Variants in ASAP3 observed in about 807,000 individuals in gnomAD.
ASAP3 encodes arf-GAP with SH3 domain, ANK repeat and PH domain-containing protein 3.
Under a neutral mutation model 118.2 loss-of-function variants are expected in ASAP3, and 85 were observed. That is an observed-to-expected ratio of 0.72 (90% CI 0.60 to 0.86). The LOEUF (loss-of-function observed/expected upper bound fraction) is 0.86. Among genes scored for constraint, ASAP3 ranks in the 40% least tolerant of loss-of-function variants. The pLI is 0.00. For synonymous variants in ASAP3, 432 were observed against 477.4 expected (o/e 0.90, Z 1.24); for missense variants, 1,026 against 1,175.0 (o/e 0.87, Z 1.85).
In ASAP3 at chr1:23,436,456, C is replaced by T. The variant is rs1640657727; in HGVS notation, c.1571+104G>A. 1 of 1,329,470 alleles carries T rather than the reference C, an allele frequency of 7.5e-7. No individual in the cohort carries two copies. Among genetic ancestry groups the T allele is most frequent in the Non-Finnish European group, 1.1e-6 (1 of 943,496 alleles). 82.4% of individuals were successfully genotyped at this position (1,329,470 alleles called of 1,614,324 possible). A position where few individuals can be genotyped will look rare whatever the true frequency, so the allele number is the denominator to read the frequency against. On this transcript the variant is annotated intron_variant, in intron 16 of 24. Transcript: ENST00000336689. This position sits in a 1 kb window ranked among gnomAD's most constrained non-coding sequence, Gnocchi z 4.2. Reference sequence around the variant, plus strand: ...GGGATTACAGGCGTGAGCCACTGCGCCCAGCCTCCCCAGACTTCTGATCCA... The same window carrying T: ...GGGATTACAGGCGTGAGCCACTGCGTCCAGCCTCCCCAGACTTCTGATCCA...
Position 23,433,636 on chromosome 1 carries a change from C to T in ASAP3, c.2009G>A (p.Cys670Tyr), listed in dbSNP as rs767480290. Reference sequence around the variant, plus strand: ...TCCCCGAGTCCTCACCAGCTCCTCACACTCCTTGTGGTGCTTCTTCCTGGC... The same window carrying T: ...TCCCCGAGTCCTCACCAGCTCCTCATACTCCTTGTGGTGCTTCTTCCTGGC... ...DIARKKHHKE[C>Y]EELLEQAQAG... The change falls in exon 20 of 25, where the codon TGT (cysteine) becomes TAT (tyrosine). Residue 670 changes from cysteine to tyrosine, a missense_variant. Cys to Tyr is a radical substitution (Grantham distance 194, BLOSUM62 -2). Transcript: ENST00000336689. 1.9e-6 allele frequency: 3 copies of T among 1,614,250 alleles called. No homozygotes were observed. The highest frequency in any genetic ancestry group is 2.5e-6 in the Non-Finnish European group (3 of 1,180,050).
chr1:23,430,871 C>G (rs901955607), intron 24 of ASAP3, among the ~76,000 whole-genome samples, 164 bp downstream of exon 24: 1 of 151,782 alleles, frequency 6.6e-6, no homozygotes, highest in African/African-American at 2.4e-5. Flanking sequence ...CCAAACCGTG[C>G]CCACCTGGGC....
chr1:23,447,506 C>T (rs1641087305), intron 5 of ASAP3, among the ~76,000 whole-genome samples: 1 of 152,186 alleles, frequency 6.6e-6, no homozygotes, highest in Non-Finnish European at 1.5e-5. Flanking sequence ...TTCAAGCATC[C>T]ACTGGGGGTC....
chr1:23,436,616 G>A lies in ASAP3; in HGVS notation c.1515C>T (p.Val505=). 2 of 1,614,244 alleles carry A rather than the reference G, an allele frequency of 1.2e-6. No homozygotes were observed. Among genetic ancestry groups the A allele is most frequent in the East Asian group, 4.5e-5 (2 of 44,886 alleles). ...CGTGTGAGGGTAGCTGGGCCTCCATGACCTCATTGAAGCTCGTGTTTCCCA... is the reference window on the plus strand; with the variant it reads ...CGTGTGAGGGTAGCTGGGCCTCCATAACCTCATTGAAGCTCGTGTTTCCCA... ...LNMGNTSFNE[V]MEAQLPSHGG... The change falls in exon 16 of 25, where the codon GTC becomes GTT. Residue 505 remains valine (V), a synonymous_variant. Transcript: ENST00000336689. This position sits in a 1 kb window ranked among gnomAD's most constrained non-coding sequence, Gnocchi z 4.2.
Position 23,440,440 on chromosome 1 carries a change from G to A in ASAP3, c.944+662C>T, listed in dbSNP as rs373119595. ...CGCTTGAACCCAGGAGGCGGAGGTT[G>A]CAGTGAGCTGAGATCACGTCACTGC... On this transcript the variant is annotated intron_variant, in intron 10 of 24. Transcript: ENST00000336689. 4.1e-4 allele frequency among the ~76,000 whole-genome samples: 52 copies of A among 126,066 alleles called. No individual in the cohort carries two copies. In the East Asian group the frequency reaches 7.3e-3, roughly 18 times the overall value. The allele number at this position is 126,066 out of a possible 152,430, so 82.7% of individuals were successfully genotyped here.
Position 23,438,914 on chromosome 1 carries a change from T to G in ASAP3, c.1015-80A>C. 2 of 1,374,070 alleles carry G rather than the reference T, an allele frequency of 1.5e-6. No homozygotes were observed. The highest frequency in any genetic ancestry group is 2.1e-6 in the Non-Finnish European group (2 of 968,142). 85.1% of individuals were successfully genotyped at this position (1,374,070 alleles called of 1,614,324 possible). A position where few individuals can be genotyped will look rare whatever the true frequency, so the allele number is the denominator to read the frequency against. On this transcript the variant is annotated intron_variant, in intron 11 of 24. Coordinates refer to ENST00000336689, the MANE Select transcript of ASAP3 (RefSeq NM_017707.4). This position sits in a 1 kb window ranked among gnomAD's most constrained non-coding sequence, Gnocchi z 4.9. ...TTTAGGCCTCCATTTCCCACTCTGTTAAATGGGCATAATCATCCTGTTCCA... is the reference window on the plus strand; with the variant it reads ...TTTAGGCCTCCATTTCCCACTCTGTGAAATGGGCATAATCATCCTGTTCCA...
chr1:23,432,131 A>G (rs937777921), intron 22 of ASAP3, among the ~76,000 whole-genome samples: 1 of 150,358 alleles, frequency 6.7e-6, no homozygotes. Context: ...CTCAGCCTCC[A>G]GAGTAGCTGG....
At chr1:23,439,963 C>A (rs1187320331) in intron 10 of ASAP3, among the ~76,000 whole-genome samples, 1 of 151,846 alleles carries the variant, frequency 6.6e-6, no homozygotes, top group Non-Finnish European at 1.5e-5. Context: ...TACAGGCTCA[C>A]GCCACCATAC....
chr1:23,470,941 G>A (rs1244947557), intron 1 of ASAP3, among the ~76,000 whole-genome samples: 1 of 152,140 alleles, frequency 6.6e-6, no homozygotes, highest in Non-Finnish European at 1.5e-5. Flanking sequence ...GAACTTTGCT[G>A]GACTAACCGC....
intron 1 of ASAP3, among the ~76,000 whole-genome samples, chr1:23,482,120 T>C (rs1642324842): frequency 6.6e-6 from 1 of 152,188 alleles, no homozygotes; most frequent in Non-Finnish European, 1.5e-5. Context: ...CTAGGCTCCG[T>C]GAGACAAATG....
rs1285377497 is a variant in ASAP3, at chr1:23,456,123, A to G, written c.201T>C (p.Leu67=). 1 of 1,614,080 alleles carries G rather than the reference A, an allele frequency of 6.2e-7. No homozygotes were observed. Among genetic ancestry groups the G allele is most frequent in the Non-Finnish European group, 8.5e-7 (1 of 1,180,000 alleles). ...KAVRAIHSSG[L]GHVENEEQYR... ...GGGGCACCCAGGAGGCTCACTTACC[A>G]AGGCCGGAGCTATGGATTGCCCGCA... is the stretch of plus-strand genomic sequence containing the variant. Residue 67 remains leucine, a splice_region_variant and synonymous_variant, in exon 2 of 25, where the codon CTT becomes CTC. Coordinates refer to ENST00000336689, the MANE Select transcript of ASAP3 (RefSeq NM_017707.4).
intron 1 of ASAP3, among the ~76,000 whole-genome samples, chr1:23,470,072 T>G (rs543872234): frequency 6.6e-6 from 1 of 152,192 alleles, no homozygotes; most frequent in Non-Finnish European, 1.5e-5. Flanking sequence ...AGCCCTGAAC[T>G]GGAAAGTGCT....
chr1:23,444,600 G>A (rs926687481), intron 5 of ASAP3, among the ~76,000 whole-genome samples: 1 of 152,230 alleles, frequency 6.6e-6, no homozygotes, highest in African/African-American at 2.4e-5. Context: ...TCAGCACATA[G>A]AAGACACATG....
chr1:23,444,679 C>T (rs571718322), intron 5 of ASAP3, among the ~76,000 whole-genome samples: 24 of 152,324 alleles, frequency 1.6e-4, no homozygotes, highest in Non-Finnish European at 2.1e-4. Context: ...CAATGGTCTA[C>T]GGTAAGTTCT....
At chr1:23,440,734 G>A (rs1309792935) in intron 10 of ASAP3, among the ~76,000 whole-genome samples, 1 of 150,912 alleles carries the variant, frequency 6.6e-6, no homozygotes, top group African/African-American at 2.4e-5. Context: ...GCGAGTGCCT[G>A]TAGTCCCAGC....
rs141351007 is a variant in ASAP3, at chr1:23,455,409, G to A, written c.348+472C>T. ...CTGGGCCATGTACAGGGGCTGAGAC[G>A]CTTGTGGAGGCAGGGACAGGTCCTG... On this transcript the variant is annotated intron_variant, in intron 3 of 24. Coordinates refer to ENST00000336689, the MANE Select transcript of ASAP3 (RefSeq NM_017707.4). Among the ~76,000 whole-genome samples, 1,078 of 152,296 alleles carry A rather than the reference G, an allele frequency of 7.1e-3. 20 individuals are homozygous for A. Among genetic ancestry groups the A allele is most frequent in the Middle Eastern group, 0.024 (7 of 294 alleles).
chr1:23,438,922 C>T lies in ASAP3; in HGVS notation c.1015-88G>A. On this transcript the variant is annotated intron_variant, in intron 11 of 24. Transcript: ENST00000336689. This position sits in a 1 kb window ranked among gnomAD's most constrained non-coding sequence, Gnocchi z 4.9. ...TCCATTTCCCACTCTGTTAAATGGG[C>T]ATAATCATCCTGTTCCATTTGTGTT... 7.5e-7 allele frequency: 1 copy of T among 1,331,720 alleles called. No homozygotes were observed. 82.5% of individuals were successfully genotyped at this position (1,331,720 alleles called of 1,614,324 possible).
chr1:23,470,399 A>G (rs980152974), intron 1 of ASAP3, among the ~76,000 whole-genome samples: 2 of 152,036 alleles, frequency 1.3e-5, no homozygotes, highest in African/African-American at 2.4e-5. Flanking sequence ...CTTCCCAGCT[A>G]CCCCTCTGCC....
At chr1:23,467,176 T>TATTATC (rs1641800980) in intron 1 of ASAP3, among the ~76,000 whole-genome samples, 1 of 149,754 alleles carries the variant, frequency 6.7e-6, no homozygotes, top group Admixed American at 6.6e-5. Flanking sequence ...TTACAGCCAT[T>TATTATC]ATTATTATTA....
Sources: allele counts gnomAD v4.1 joint callset (sites outside exome capture counted in the v4.1 genomes callset), GRCh38; gene constraint gnomAD v4.1.1; non-coding constraint Gnocchi (gnomAD v3.1); transcripts MANE v1.5; gene names NCBI Gene and HGNC (gene_info 2026-07-23, HGNC 2026-07-21).